Variants in BMPER observed in about 807,000 individuals in gnomAD.
BMPER encodes BMP binding endothelial regulator, also known as BMP-binding endothelial regulator protein.
A neutral mutation model predicts 87.3 loss-of-function variants in BMPER; 45 were observed. The observed-to-expected ratio is 0.52, with a 90% confidence interval of 0.41 to 0.66. The LOEUF is 0.66. BMPER is among the 30% of genes least tolerant of loss of function. The pLI, the probability that BMPER is intolerant of heterozygous loss-of-function variation, is 0.00. For synonymous variants in BMPER, 326 were observed against 316.2 expected (o/e 1.03, Z -0.33); for missense variants, 784 against 867.5 (o/e 0.90, Z 1.21).
At chr7:33,989,548 T>C (rs1428062309) in intron 6 of BMPER, among the ~76,000 whole-genome samples, 1 of 152,258 alleles carries the variant, frequency 6.6e-6, no homozygotes, top group Non-Finnish European at 1.5e-5. Context: ...GCGAAATTTT[T>C]CTCCCATTTT....
chr7:34,048,262 T>A (rs1270984809), intron 7 of BMPER, among the ~76,000 whole-genome samples: 3 of 152,166 alleles, frequency 2.0e-5, no homozygotes, highest in African/African-American at 7.2e-5. Flanking sequence ...CTAGGAGCTT[T>A]CTCCTCTTTG....
At chr7:34,118,455 C>T (rs555928299) in intron 13 of BMPER, among the ~76,000 whole-genome samples, 3 of 152,212 alleles carry the variant, frequency 2.0e-5, no homozygotes, top group African/African-American at 7.2e-5. Context: ...GGAGCATTTC[C>T]AAAGCTGATT....
intron 11 of BMPER, among the ~76,000 whole-genome samples, chr7:34,076,470 A>G (rs957126197): frequency 1.3e-5 from 2 of 152,096 alleles, no homozygotes; most frequent in Non-Finnish European, 2.9e-5. Flanking sequence ...ATTATCCTGT[A>G]CATATAATTT....
intron 1 of BMPER, among the ~76,000 whole-genome samples, chr7:33,906,058 G>GA (rs1437435055): frequency 2.0e-5 from 3 of 152,098 alleles, no homozygotes; most frequent in Non-Finnish European, 4.4e-5. Flanking sequence ...TAGAACTCAG[G>GA]AAAAAAATTT....
intron 13 of BMPER, among the ~76,000 whole-genome samples, chr7:34,105,027 T>C (rs1411898413): frequency 1.3e-5 from 2 of 152,204 alleles, no homozygotes; most frequent in African/African-American, 4.8e-5. Flanking sequence ...GAAATTGCCT[T>C]CAACATAGAA....
chr7:33,970,663 A>G (rs1035135873), intron 5 of BMPER, among the ~76,000 whole-genome samples: 2 of 152,092 alleles, frequency 1.3e-5, no homozygotes, highest in African/African-American at 4.8e-5. Flanking sequence ...TTTCCACTCC[A>G]CAGGGCCACA....
chr7:34,109,098 C>A (rs1789896698), intron 13 of BMPER, among the ~76,000 whole-genome samples: 1 of 152,158 alleles, frequency 6.6e-6, no homozygotes, highest in Admixed American at 6.5e-5. Flanking sequence ...GAGCTGGAGA[C>A]CCAGGAGGGC....
At chr7:33,974,868 G>GCCTCTCTCTCGTCT in intron 6 of BMPER, 84 bp downstream of exon 6, 1 of 1,334,192 alleles carries the variant, frequency 7.5e-7, no homozygotes, top group Non-Finnish European at 1.1e-6. Context: ...GGTCTCTACA[G>GCCTCTCTCTCGTCT]CCTCTCTCTC....
At chr7:34,151,447 AG>A (rs1272758313) in intron 14 of BMPER, among the ~76,000 whole-genome samples, 1 of 152,232 alleles carries the variant, frequency 6.6e-6, no homozygotes, top group Non-Finnish European at 1.5e-5. Flanking sequence ...AGAAATAAAT[AG>A]GGAAAAGAGG....
At chr7:34,018,580 C>A (rs2127945129) in intron 6 of BMPER, among the ~76,000 whole-genome samples, 1 of 151,976 alleles carries the variant, frequency 6.6e-6, no homozygotes, top group South Asian at 2.1e-4. Flanking sequence ...CGGCTGTGTC[C>A]CATTTTTCAT....
chr7:33,994,656 T>C (rs1786349945), intron 6 of BMPER, among the ~76,000 whole-genome samples: 1 of 152,162 alleles, frequency 6.6e-6, no homozygotes, highest in Admixed American at 6.5e-5. Flanking sequence ...TTTTTAAAAG[T>C]TTTGCCTTTG....
intron 2 of BMPER, among the ~76,000 whole-genome samples, chr7:33,922,991 A>C (rs760937571): frequency 6.6e-6 from 1 of 152,024 alleles, no homozygotes; most frequent in Non-Finnish European, 1.5e-5. Context: ...TTCTCCATTG[A>C]CCTCTGTCTC....
At chr7:34,048,494 G>GGACA (rs1412151435) in intron 7 of BMPER, among the ~76,000 whole-genome samples, 2 of 152,170 alleles carry the variant, frequency 1.3e-5, no homozygotes, top group Non-Finnish European at 2.9e-5. Context: ...CCTGGGATAG[G>GGACA]GTTAGCCAGT....
At chr7:34,078,592 T>C (rs1788926821) in intron 11 of BMPER, among the ~76,000 whole-genome samples, 1 of 152,222 alleles carries the variant, frequency 6.6e-6, no homozygotes, top group Admixed American at 6.5e-5. Flanking sequence ...GTTAAGATCA[T>C]GGAAGCATAT....
chr7:34,147,655 A>T (rs2127995909), intron 14 of BMPER, among the ~76,000 whole-genome samples: 2 of 152,198 alleles, frequency 1.3e-5, no homozygotes, highest in Middle Eastern at 3.4e-3. Flanking sequence ...TTTTTAGTAG[A>T]GACGGGGTTT....
chr7:33,906,926 A>G, intron 2 of BMPER, 23 bp downstream of exon 2: 3 of 1,572,208 alleles, frequency 1.9e-6, no homozygotes, highest in Non-Finnish European at 2.6e-6. Flanking sequence ...ATCAGGTAAT[A>G]TGAACTCAAC....
At chr7:34,068,589 C>G (rs1788656856) in intron 11 of BMPER, among the ~76,000 whole-genome samples, 2 of 152,050 alleles carry the variant, frequency 1.3e-5, no homozygotes, top group Non-Finnish European at 2.9e-5. Context: ...GCTTGGTTTT[C>G]CATTTTGTTT....
chr7:34,135,975 T>A (rs139440525), intron 13 of BMPER, among the ~76,000 whole-genome samples: 18 of 152,278 alleles, frequency 1.2e-4, no homozygotes, highest in Middle Eastern at 3.4e-3. Flanking sequence ...TCCTGCCCTG[T>A]CTCCCCAGAT....
At chr7:34,052,922 T>C (rs1388174699) in intron 8 of BMPER, among the ~76,000 whole-genome samples, 1 of 152,172 alleles carries the variant, frequency 6.6e-6, no homozygotes, top group Non-Finnish European at 1.5e-5. Context: ...CCTCCTCCCA[T>C]GGTTTGTGTT....
Sources: allele counts gnomAD v4.1 joint callset (sites outside exome capture counted in the v4.1 genomes callset), GRCh38; gene constraint gnomAD v4.1.1; transcripts MANE v1.5; gene names NCBI Gene and HGNC (gene_info 2026-07-23, HGNC 2026-07-21).